AP1G1: variants seen among roughly 807,000 people sequenced by gnomAD.
AP1G1 encodes adaptor related protein complex 1 subunit gamma 1.
A neutral mutation model predicts 108.3 loss-of-function variants in AP1G1; 7 were observed. That is an observed-to-expected ratio of 0.06 (90% CI 0.04 to 0.12). The LOEUF (loss-of-function observed/expected upper bound fraction) is 0.12, where lower values mean the gene tolerates loss of function less well. AP1G1 is among the 10% of genes least tolerant of loss of function. AP1G1 has a pLI of 1.00. For synonymous variants in AP1G1, 379 were observed against 353.5 expected, an observed-to-expected ratio of 1.07 and a Z score of -0.81; for missense variants, 756 against 1,010.7, an observed-to-expected ratio of 0.75 and a Z score of 3.42.
intron 1 of AP1G1, among the ~76,000 whole-genome samples, chr16:71,802,469 C>T (rs1219446298): frequency 2.0e-5 from 3 of 152,108 alleles, no homozygotes; most frequent in African/African-American, 7.2e-5. Context: ...GTAGCTCATG[C>T]CTGTAATCCC....
At chr16:71,806,377 A>G (rs2142293644) in intron 1 of AP1G1, among the ~76,000 whole-genome samples, 1 of 152,296 alleles carries the variant, frequency 6.6e-6, no homozygotes, top group South Asian at 2.1e-4. Flanking sequence ...GTGAATGCAA[A>G]CTATCTAAGA....
intron 1 of AP1G1, among the ~76,000 whole-genome samples, chr16:71,794,346 G>A (rs200171279): frequency 6.6e-6 from 1 of 151,130 alleles, no homozygotes; most frequent in East Asian, 1.9e-4. Flanking sequence ...ATTATGGCTT[G>A]TACACTATAA....
chr16:71,760,739 G>C (rs1341647516), intron 10 of AP1G1, among the ~76,000 whole-genome samples: 1 of 151,944 alleles, frequency 6.6e-6, no homozygotes, highest in Non-Finnish European at 1.5e-5. Context: ...TGTAGAGATG[G>C]AGTTTTGCCA....
chr16:71,792,668 A>G (rs1243985642), intron 1 of AP1G1, among the ~76,000 whole-genome samples: 1 of 152,134 alleles, frequency 6.6e-6, no homozygotes, highest in East Asian at 1.9e-4. Flanking sequence ...AGCCTGGCCA[A>G]CATGGCAAAA....
Position 71,748,380 on chromosome 16 carries a change from TGAG to T in AP1G1, c.1498-5_1498-3del, listed in dbSNP as rs750961688. 13 of 1,608,338 alleles carry T rather than the reference TGAG, an allele frequency of 8.1e-6. No homozygotes were observed. The highest frequency in any genetic ancestry group is 5.2e-5 in the Admixed American group (3 of 57,822). ...ATCCAACACTTCATCCTCTGTTACC[TGAG>T]GAGGAGGAGGAAAAAGAAGACGATG... On this transcript the variant is annotated splice_region_variant and splice_polypyrimidine_tract_variant and intron_variant, in intron 15 of 22. Coordinates refer to ENST00000299980, the MANE Select transcript of AP1G1 (RefSeq NM_001128.6).
intron 18 of AP1G1, 26 bp downstream of exon 18, chr16:71,745,447 A>C (rs1193615148): frequency 6.2e-7 from 1 of 1,613,930 alleles, no homozygotes; most frequent in Non-Finnish European, 8.5e-7. Flanking sequence ...AAGAAGCCCC[A>C]GATGAGCAAG....
intron 5 of AP1G1, among the ~76,000 whole-genome samples, chr16:71,770,245 T>C (rs2031518538): frequency 6.6e-6 from 1 of 152,260 alleles, no homozygotes; most frequent in African/African-American, 2.4e-5. Flanking sequence ...TCAACAAGTA[T>C]ATTTTGAGCA....
At chr16:71,768,192 TAAAAAA>T (rs10610445) in intron 6 of AP1G1, among the ~76,000 whole-genome samples, 4 of 99,828 alleles carry the variant, frequency 4.0e-5, no homozygotes, top group Admixed American at 1.1e-4. Flanking sequence ...AATACTAGTT[TAAAAAA>T]AAAAAAAAAA....
intron 15 of AP1G1, 105 bp downstream of exon 15, chr16:71,749,789 C>A (rs1567644533): frequency 1.1e-5 from 10 of 938,718 alleles, no homozygotes; most frequent in Non-Finnish European, 1.7e-5. Flanking sequence ...CCACGCCTGG[C>A]CTAAAAAGTT....
intron 1 of AP1G1, among the ~76,000 whole-genome samples, chr16:71,804,912 G>C (rs930769447): frequency 9.8e-5 from 15 of 152,294 alleles, no homozygotes; most frequent in Admixed American, 9.2e-4. Context: ...GGAGGCTGAA[G>C]TGGGAGGATC....
intron 13 of AP1G1, among the ~76,000 whole-genome samples, chr16:71,751,867 T>G (rs1412748722): frequency 6.6e-6 from 1 of 151,816 alleles, no homozygotes; most frequent in African/African-American, 2.4e-5. Flanking sequence ...CAAAGACAGG[T>G]GCAAAAAAAT....
chr16:71,770,298 C>T (rs1385426519), intron 5 of AP1G1, among the ~76,000 whole-genome samples: 1 of 152,190 alleles, frequency 6.6e-6, no homozygotes, highest in Non-Finnish European at 1.5e-5. Flanking sequence ...ATATACCATA[C>T]AATTTTTCCT....
chr16:71,765,729 T>C, intron 6 of AP1G1, 145 bp from the exon 7 acceptor site: 1 of 630,120 alleles, frequency 1.6e-6, no homozygotes, highest in East Asian at 3.0e-5. Context: ...ATTGTAGATG[T>C]TTGATAAACT....
chr16:71,745,154 G>C lies in AP1G1; in HGVS notation c.1989C>G (p.Ile663Met), dbSNP rs1470010784. The change falls in exon 19 of 23, where the codon ATC becomes ATG. Residue 663 changes from isoleucine (I) to methionine (M), a missense_variant. Physicochemically the swap from Ile to Met is conservative, Grantham distance 10 (BLOSUM62 1). Around this residue, in one of 3 missense-constraint regions of AP1G1, gnomAD observed 357 missense variants for 366.5 expected, o/e 0.97. Coordinates refer to ENST00000299980, the MANE Select transcript of AP1G1 (RefSeq NM_001128.6). Reference protein sequence around the residue: ...GGELLDLLGDINLTGAPAAAP... With the variant: ...GGELLDLLGDMNLTGAPAAAP... ...TCCAGACTGCCTCACCTGTAAGGTT[G>C]ATGTCTCCCAGCAAATCAAGAAGTT... The C allele has an allele frequency of 6.2e-7, 1 of 1,614,102 alleles. No individual in the cohort carries two copies. The highest frequency in any genetic ancestry group is 1.7e-5 in the Admixed American group (1 of 60,018).
intron 10 of AP1G1, 70 bp downstream of exon 10, chr16:71,761,442 T>C: frequency 9.1e-7 from 1 of 1,103,404 alleles, no homozygotes; most frequent in Non-Finnish European, 1.4e-6. Context: ...TGTATGATCT[T>C]GAGCAGAATC....
intron 13 of AP1G1, 171 bp downstream of exon 13, chr16:71,753,662 T>C: frequency 1.5e-6 from 1 of 664,852 alleles, no homozygotes; most frequent in Non-Finnish European, 2.7e-6. Context: ...CTGCCATCAT[T>C]ATATTCCTCC....
intron 2 of AP1G1, among the ~76,000 whole-genome samples, chr16:71,781,815 T>C (rs1364861562): frequency 6.6e-6 from 1 of 152,232 alleles, no homozygotes; most frequent in Non-Finnish European, 1.5e-5. Context: ...CATGTCTTTG[T>C]ATACTGGAAA....
intron 2 of AP1G1, among the ~76,000 whole-genome samples, chr16:71,784,782 C>G (rs1165661250): frequency 4.6e-5 from 7 of 151,760 alleles, no homozygotes; most frequent in African/African-American, 1.7e-4. Context: ...TGGTCTCAAA[C>G]TCCTGACTTC....
Position 71,755,614 on chromosome 16 carries a change from T to A in AP1G1, c.1229+405A>T, listed in dbSNP as rs192737209. Reference sequence around the variant, plus strand: ...GGTTTGAAATAAATGTTATGTGTTTTAAACATATTTAAAGTAGTTTCCCCA... The same window carrying A: ...GGTTTGAAATAAATGTTATGTGTTTAAAACATATTTAAAGTAGTTTCCCCA... On this transcript the variant is annotated intron_variant, in intron 12 of 22. Transcript: ENST00000299980. 3.8e-3 allele frequency among the ~76,000 whole-genome samples: 574 copies of A among 152,286 alleles called. 4 individuals are homozygous for A. Among genetic ancestry groups the A allele is most frequent in the Admixed American group, 4.6e-3 (70 of 15,294 alleles).
Sources: allele counts gnomAD v4.1 joint callset (sites outside exome capture counted in the v4.1 genomes callset), GRCh38; gene constraint gnomAD v4.1.1; regional missense constraint gnomAD v4.1.1; transcripts MANE v1.5; gene names NCBI Gene and HGNC (gene_info 2026-07-23, HGNC 2026-07-21).